AK8: variants seen among roughly 807,000 people sequenced by gnomAD.
AK8 encodes ATP-AMP transphosphorylase 8.
A neutral mutation model predicts 54.6 loss-of-function variants in AK8; 44 were observed. That is an observed-to-expected ratio of 0.81 (90% CI 0.63 to 1.04). The LOEUF is 1.04. Ranked by LOEUF, AK8 falls within the 50% of genes least tolerant of loss-of-function variation. The pLI is 0.00. For synonymous variants in AK8, 239 were observed against 245.6 expected, an observed-to-expected ratio of 0.97 and a Z score of 0.25; for missense variants, 555 against 613.6, an observed-to-expected ratio of 0.90 and a Z score of 1.01.
chr9:132,802,873 C>A lies in AK8; in HGVS notation c.980-10098G>T, dbSNP rs924166978. 3.3e-5 allele frequency among the ~76,000 whole-genome samples: 5 copies of A among 152,128 alleles called. No individual in the cohort carries two copies. The East Asian group carries it at 7.7e-4, about 23-fold the overall frequency. ...TAAATCAGGAGCATAATAAACTCAG[C>A]GTCATTTTATGCCATTAAATTGGGG... On this transcript the variant is annotated intron_variant, in intron 10 of 12. Transcript: ENST00000298545.
intron 4 of AK8, among the ~76,000 whole-genome samples, chr9:132,858,739 A>C (rs1462944880): frequency 6.6e-6 from 1 of 152,046 alleles, no homozygotes; most frequent in Non-Finnish European, 1.5e-5. Flanking sequence ...GACAGCAGGA[A>C]CTGCCTCCTA....
intron 11 of AK8, among the ~76,000 whole-genome samples, chr9:132,738,437 A>T (rs1482580848): frequency 6.6e-6 from 1 of 152,148 alleles, no homozygotes; most frequent in Non-Finnish European, 1.5e-5. Context: ...AATTTAAAAA[A>T]GTTTTAAAAC....
chr9:132,836,385 G>A (rs147171437), intron 5 of AK8, among the ~76,000 whole-genome samples: 2 of 152,232 alleles, frequency 1.3e-5, no homozygotes, highest in African/African-American at 4.8e-5. Flanking sequence ...AAAGGTGAAC[G>A]ATCTTCTTTT....
intron 4 of AK8, among the ~76,000 whole-genome samples, chr9:132,862,758 C>T (rs1843441012): frequency 6.6e-6 from 1 of 152,170 alleles, no homozygotes; most frequent in South Asian, 2.1e-4. Flanking sequence ...GTGCCTGACA[C>T]GTGACTAGCT....
At chr9:132,754,013 T>C (rs1838073259) in intron 11 of AK8, among the ~76,000 whole-genome samples, 1 of 152,120 alleles carries the variant, frequency 6.6e-6, no homozygotes, top group Non-Finnish European at 1.5e-5. Flanking sequence ...AGAAGGCAGC[T>C]CTTTGCCGTC....
Position 132,804,995 on chromosome 9 carries a change from C to A in AK8, c.979+9643G>T, listed in dbSNP as rs527824691. On this transcript the variant is annotated intron_variant, in intron 10 of 12. Transcript: ENST00000298545. ...AGAGGGAAAGAGGCTTCAAGCTGCACCTGCCGTTGGGGGGTCTGTGAGGGG... is the reference window on the plus strand; with the variant it reads ...AGAGGGAAAGAGGCTTCAAGCTGCAACTGCCGTTGGGGGGTCTGTGAGGGG... Among the ~76,000 whole-genome samples the A allele has an allele frequency of 6.6e-5, 10 of 152,268 alleles. 1 individual carries two copies. In the South Asian group the frequency reaches 1.9e-3, roughly 28 times the overall value.
At chr9:132,849,908 G>A (rs538560950) in intron 5 of AK8, among the ~76,000 whole-genome samples, 17 of 152,042 alleles carry the variant, frequency 1.1e-4, no homozygotes, top group African/African-American at 3.6e-4. Context: ...ACCATGCCCA[G>A]CAAATTTTTT....
At chr9:132,786,752 T>C (rs1039983439) in intron 11 of AK8, among the ~76,000 whole-genome samples, 1 of 151,810 alleles carries the variant, frequency 6.6e-6, no homozygotes, top group Non-Finnish European at 1.5e-5. Context: ...TAATTCAACA[T>C]CTAAGGGTAA....
intron 11 of AK8, among the ~76,000 whole-genome samples, chr9:132,739,854 G>A (rs1055273220): frequency 1.3e-5 from 2 of 152,260 alleles, no homozygotes; most frequent in Non-Finnish European, 2.9e-5. Context: ...GGCCCCAAGG[G>A]GGAGGAAGGC....
chr9:132,847,674 C>T (rs959857503), intron 5 of AK8, among the ~76,000 whole-genome samples: 6 of 152,106 alleles, frequency 3.9e-5, no homozygotes, highest in African/African-American at 1.2e-4. Context: ...AAAGAGAAAA[C>T]AGCTTAGCTT....
chr9:132,857,408 G>T (rs933199040), intron 4 of AK8, among the ~76,000 whole-genome samples: 1 of 152,152 alleles, frequency 6.6e-6, no homozygotes, highest in African/African-American at 2.4e-5. Flanking sequence ...GAGAGGGAGG[G>T]TGTCTTTCCG....
At chr9:132,810,481 G>A (rs888142989) in intron 10 of AK8, among the ~76,000 whole-genome samples, 1 of 152,150 alleles carries the variant, frequency 6.6e-6, no homozygotes, top group Non-Finnish European at 1.5e-5. Context: ...CAAAGTTGAC[G>A]TGCTTTGATT....
intron 9 of AK8, among the ~76,000 whole-genome samples, chr9:132,820,457 T>C (rs1161377119): frequency 6.6e-6 from 1 of 152,236 alleles, no homozygotes; most frequent in African/African-American, 2.4e-5. Flanking sequence ...ATCCATTACA[T>C]GGGTTTATCA....
chr9:132,761,225 T>C (rs1838445343), intron 11 of AK8, among the ~76,000 whole-genome samples: 1 of 151,882 alleles, frequency 6.6e-6, no homozygotes, highest in Admixed American at 6.6e-5. Flanking sequence ...TTAATAGTTA[T>C]GGGACTTTGG....
upstream of AK8, chr9:132,878,363 C>T: frequency 2.4e-6 from 3 of 1,253,262 alleles, no homozygotes; most frequent in Non-Finnish European, 3.0e-6. This position sits in a 1 kb window ranked among gnomAD's most constrained non-coding sequence, Gnocchi z 4.7. Context: ...CCGCGCCGGG[C>T]CCAGATACCC....
chr9:132,878,770 G>C, upstream of AK8: 1 of 985,722 alleles, frequency 1.0e-6, no homozygotes, highest in African/African-American at 1.7e-5. This position sits in a 1 kb window ranked among gnomAD's most constrained non-coding sequence, Gnocchi z 4.7. Flanking sequence ...TCCTAGAGTC[G>C]AGCCCCGGTA....
chr9:132,806,776 G>C (rs572706657), intron 10 of AK8, among the ~76,000 whole-genome samples: 1 of 152,346 alleles, frequency 6.6e-6, no homozygotes, highest in South Asian at 2.1e-4. Context: ...CTCACGGAAG[G>C]CTCTTGAAAA....
chr9:132,822,684 T>G (rs1005584075), intron 9 of AK8, among the ~76,000 whole-genome samples: 1 of 152,126 alleles, frequency 6.6e-6, no homozygotes, highest in African/African-American at 2.4e-5. Context: ...GGAGAGCTGA[T>G]TTCAATATTT....
chr9:132,772,835 C>T (rs1222789044), intron 11 of AK8, among the ~76,000 whole-genome samples: 1 of 152,156 alleles, frequency 6.6e-6, no homozygotes, highest in East Asian at 1.9e-4. Flanking sequence ...ATCAATGGTA[C>T]CAATTCTACC....
Sources: allele counts gnomAD v4.1 joint callset (sites outside exome capture counted in the v4.1 genomes callset), GRCh38; gene constraint gnomAD v4.1.1; non-coding constraint Gnocchi (gnomAD v3.1); transcripts MANE v1.5; gene names NCBI Gene and HGNC (gene_info 2026-07-23, HGNC 2026-07-21).